FER: variants seen among roughly 807,000 people sequenced by gnomAD.
FER encodes the protein tyrosine-protein kinase Fer.
FER carries 63 observed loss-of-function variants against 111.0 expected under a neutral mutation model. The observed-to-expected ratio is 0.57, with a 90% CI of 0.46 to 0.70. The LOEUF (loss-of-function observed/expected upper bound fraction) is 0.70, where lower values mean the gene tolerates loss of function less well. Among genes scored for constraint, FER ranks in the 30% least tolerant of loss-of-function variants. The pLI, the probability that FER is intolerant of heterozygous loss-of-function variation, is 0.00. For missense variants in FER, 914 were observed against 954.0 expected, an observed-to-expected ratio of 0.96 and a Z score of 0.55; for synonymous variants, 327 against 313.9, an observed-to-expected ratio of 1.04 and a Z score of -0.44.
intron 13 of FER, among the ~76,000 whole-genome samples, chr5:109,022,053 T>A (rs190036301): frequency 6.6e-6 from 1 of 152,184 alleles, no homozygotes; most frequent in East Asian, 1.9e-4. Flanking sequence ...CTTCTCTGGC[T>A]CCATTTTGGC....
chr5:109,100,672 A>G (rs1483593168), intron 17 of FER, among the ~76,000 whole-genome samples, 153 bp downstream of exon 17: 1 of 151,818 alleles, frequency 6.6e-6, no homozygotes, highest in Non-Finnish European at 1.5e-5. Flanking sequence ...CTAGTTGTTT[A>G]TATAGTTTAT....
chr5:108,972,104 G>A (rs1029496802), intron 13 of FER, among the ~76,000 whole-genome samples: 2 of 151,772 alleles, frequency 1.3e-5, no homozygotes, highest in Non-Finnish European at 2.9e-5. Flanking sequence ...TAGACATTGA[G>A]GACACATTTG....
rs529983777 is a variant in FER at position 108,773,105 on chromosome 5, G to T, written c.-60+4867G>T. 3.3e-5 allele frequency among the ~76,000 whole-genome samples: 5 copies of T among 152,290 alleles called. No individual in the cohort carries two copies. The East Asian group carries it at 7.7e-4, about 23-fold the overall frequency. On this transcript the variant is annotated intron_variant, in intron 2 of 19. Transcript: ENST00000281092. ...ATTTGGTAGGTTTTCTTTGAGAAGG[G>T]TATGAAATTTGGAACGAGTGTAGCT...
At chr5:108,908,127 G>A (rs892683763) in intron 10 of FER, among the ~76,000 whole-genome samples, 2 of 151,986 alleles carry the variant, frequency 1.3e-5, no homozygotes, top group Non-Finnish European at 2.9e-5. Context: ...ATTACCTGGC[G>A]TTCGTTTTGT....
chr5:108,756,626 A>G (rs1368327688), intron 1 of FER, among the ~76,000 whole-genome samples: 1 of 152,078 alleles, frequency 6.6e-6, no homozygotes, highest in Non-Finnish European at 1.5e-5. Context: ...AGGTCAATAT[A>G]ACTTATTAAT....
At chr5:108,979,869 T>C (rs1761829124) in intron 13 of FER, among the ~76,000 whole-genome samples, 1 of 152,176 alleles carries the variant, frequency 6.6e-6, no homozygotes, top group South Asian at 2.1e-4. Flanking sequence ...TGTTTAGATA[T>C]GTGCGGGTCA....
chr5:108,850,927 C>T (rs1421485581), intron 5 of FER, among the ~76,000 whole-genome samples: 1 of 152,126 alleles, frequency 6.6e-6, no homozygotes, highest in African/African-American at 2.4e-5. Context: ...GTTGGTTTTG[C>T]TTCTTCCTAT....
chr5:108,783,131 C>G (rs1447367749), intron 2 of FER, among the ~76,000 whole-genome samples: 1 of 152,020 alleles, frequency 6.6e-6, no homozygotes, highest in Non-Finnish European at 1.5e-5. Context: ...CCCACAGGTC[C>G]GTGAGGCTTT....
intron 17 of FER, among the ~76,000 whole-genome samples, chr5:109,106,006 G>A (rs918649538): frequency 1.3e-5 from 2 of 152,270 alleles, no homozygotes; most frequent in African/African-American, 2.4e-5. Context: ...TTTGAGTATC[G>A]TGCCCAAGAT....
intron 16 of FER, among the ~76,000 whole-genome samples, chr5:109,071,767 T>A (rs368708206): frequency 2.6e-5 from 4 of 151,970 alleles, no homozygotes; most frequent in African/African-American, 9.7e-5. Context: ...AAACATATAA[T>A]TGACAATCTG....
chr5:108,934,942 A>C (rs1755246705), intron 10 of FER, among the ~76,000 whole-genome samples: 1 of 152,154 alleles, frequency 6.6e-6, no homozygotes, highest in African/African-American at 2.4e-5. Context: ...ATTGGAAAAA[A>C]AGAAAAAAGC....
intron 2 of FER, among the ~76,000 whole-genome samples, chr5:108,783,699 G>C (rs1327023838): frequency 6.6e-6 from 1 of 152,072 alleles, no homozygotes; most frequent in African/African-American, 2.4e-5. Flanking sequence ...GTTTTGGTTG[G>C]CTTCTTGTAT....
intron 16 of FER, among the ~76,000 whole-genome samples, chr5:109,084,649 G>A (rs1357918317): frequency 6.6e-6 from 1 of 151,726 alleles, no homozygotes; most frequent in Middle Eastern, 3.2e-3. Flanking sequence ...CTTTTGTGTG[G>A]TTACTGCTTT....
chr5:109,097,438 A>T (rs2150058618), intron 16 of FER, among the ~76,000 whole-genome samples: 1 of 152,024 alleles, frequency 6.6e-6, no homozygotes, highest in South Asian at 2.1e-4. Context: ...GAGCACCAAG[A>T]TCCTTATTGC....
intron 3 of FER, among the ~76,000 whole-genome samples, chr5:108,821,569 T>TA (rs1429735961): frequency 1.3e-5 from 2 of 152,138 alleles, no homozygotes; most frequent in African/African-American, 4.8e-5. Flanking sequence ...TTGGGTTCAT[T>TA]GAGCTTCTTT....
At chr5:109,175,571 A>G (rs1035611646) in intron 17 of FER, among the ~76,000 whole-genome samples, 2 of 152,220 alleles carry the variant, frequency 1.3e-5, no homozygotes, top group African/African-American at 4.8e-5. Context: ...TCAAAAGCTC[A>G]GGCAACTAAA....
At position 108,835,739 on chromosome 5, in the gene FER, G is replaced by A; in HGVS notation, c.413G>A (p.Cys138Tyr). 1.3e-6 allele frequency: 2 copies of A among 1,573,904 alleles called. No homozygotes were observed. The highest frequency in any genetic ancestry group is 1.7e-6 in the Non-Finnish European group (2 of 1,166,168). Residue 138 changes from cysteine (C) to tyrosine (Y), a missense_variant, in exon 5 of 20, where the codon TGC (cysteine) becomes TAC (tyrosine). Transcript: ENST00000281092. ...VTKTELEKLKCSYRQLIKEMN... is the reference protein window; with the variant it reads ...VTKTELEKLKYSYRQLIKEMN... Reference sequence around the variant, plus strand: ...AAAACAGAATTGGAGAAGTTAAAATGCAGCTATAGACAATTAATAAAAGAA... The same window carrying A: ...AAAACAGAATTGGAGAAGTTAAAATACAGCTATAGACAATTAATAAAAGAA...
intron 2 of FER, among the ~76,000 whole-genome samples, chr5:108,770,884 T>C (rs1254052939): frequency 1.3e-5 from 2 of 152,102 alleles, no homozygotes; most frequent in Non-Finnish European, 2.9e-5. Context: ...ATCTGTGTAT[T>C]ATTCGTTTCT....
At chr5:108,931,086 T>C in intron 10 of FER, among the ~76,000 whole-genome samples, 1 of 152,342 alleles carries the variant, frequency 6.6e-6, no homozygotes, top group East Asian at 1.9e-4. Context: ...GCTTTGGCTT[T>C]CTAATCTATA....
Sources: gnomAD v4.1 joint callset for allele counts (sites outside exome capture counted in the v4.1 genomes callset) on GRCh38, gnomAD v4.1.1 for gene constraint, MANE v1.5 for transcripts, NCBI Gene and HGNC (gene_info 2026-07-23, HGNC 2026-07-21) for gene names.